PLXNC1: variants seen among roughly 807,000 people sequenced by gnomAD.
PLXNC1 encodes plexin C1, also known as plexin-C1.
Under a neutral mutation model 178.2 loss-of-function variants are expected in PLXNC1, and 75 were observed. The observed-to-expected ratio is 0.42, with a 90% CI of 0.35 to 0.51. The LOEUF (loss-of-function observed/expected upper bound fraction) is 0.51. Among genes scored for constraint, PLXNC1 ranks in the 20% least tolerant of loss-of-function variants. The pLI is 0.02. For synonymous variants in PLXNC1, 790 were observed against 779.9 expected (o/e 1.01, Z -0.22); for missense variants, 1,503 against 1,984.4 (o/e 0.76, Z 4.61).
At chr12:94,269,064 T>C (rs1965420622) in intron 21 of PLXNC1, among the ~76,000 whole-genome samples, 1 of 152,136 alleles carries the variant, frequency 6.6e-6, no homozygotes, top group Non-Finnish European at 1.5e-5. Flanking sequence ...GAAGGGACAT[T>C]TGCTTCACTT....
At chr12:94,242,213 G>A (rs991458457) in intron 11 of PLXNC1, among the ~76,000 whole-genome samples, 1 of 151,706 alleles carries the variant, frequency 6.6e-6, no homozygotes, top group African/African-American at 2.4e-5. Flanking sequence ...GGTTTCTCCT[G>A]AGGCCCTTAC....
rs549308722 is a variant in PLXNC1, at chr12:94,204,671, C to A, written c.1440-4919C>A. On this transcript the variant is annotated intron_variant, in intron 4 of 30. Transcript: ENST00000258526. The stretch of plus-strand genomic sequence containing the variant: ...TTGGTTTCCTCATCTCATGGACTGG[C>A]AATTGTAAAGAAAGTCCCCCGATTC... Among the ~76,000 whole-genome samples, 6 of 152,310 alleles carry A rather than the reference C, an allele frequency of 3.9e-5. No individual in the cohort carries two copies. The South Asian group carries it at 1.2e-3, about 32-fold the overall frequency.
rs777541052 is a variant in PLXNC1, at chr12:94,253,211, G to GGA, written c.2882-1576_2882-1575insGA. 9.5e-4 allele frequency among the ~76,000 whole-genome samples: 40 copies of GGA among 42,024 alleles called. 1 individual carries two copies. Among genetic ancestry groups the GGA allele is most frequent in the Admixed American group, 2.6e-3 (7 of 2,654 alleles). 27.6% of individuals were successfully genotyped at this position (42,024 alleles called of 152,430 possible). A position where few individuals can be genotyped will look rare whatever the true frequency, so the allele number is the denominator to read the frequency against. On this transcript the variant is annotated intron_variant, in intron 15 of 30. Coordinates refer to ENST00000258526, the MANE Select transcript of PLXNC1 (RefSeq NM_005761.3). ...GGCCACAGAACAAGACTCCGTCTCAGAAAAAAAAAAAAAAAAAAAAAAAAA... is the reference window on the plus strand; with the variant it reads ...GGCCACAGAACAAGACTCCGTCTCAGGAAAAAAAAAAAAAAAAAAAAAAAAAA...
chr12:94,263,998 C>G (rs1458979777), intron 20 of PLXNC1, among the ~76,000 whole-genome samples: 1 of 152,108 alleles, frequency 6.6e-6, no homozygotes, highest in African/African-American at 2.4e-5. Context: ...CCCAGCTGGA[C>G]GTATCGCTTG....
At chr12:94,166,032 GA>G (rs1319464852) in intron 1 of PLXNC1, among the ~76,000 whole-genome samples, 1 of 152,110 alleles carries the variant, frequency 6.6e-6, no homozygotes, top group Non-Finnish European at 1.5e-5. Context: ...TAAGGGTTAG[GA>G]AAGCCAGTGT....
rs138661812 is a variant in PLXNC1 at position 94,210,047 on chromosome 12, G to A, written c.1554+343G>A. 5.8e-3 allele frequency among the ~76,000 whole-genome samples: 878 copies of A among 152,312 alleles called. 12 individuals carry two copies. Among genetic ancestry groups the A allele is most frequent in the African/African-American group, 0.02 (831 of 41,552 alleles). On this transcript the variant is annotated intron_variant, in intron 5 of 30. Coordinates refer to ENST00000258526, the MANE Select transcript of PLXNC1 (RefSeq NM_005761.3). Reference sequence around the variant, plus strand: ...TGCTTTTGAAAATAAAGAAAAAAGAGGTTCAGATTCATGGTCAACGAGATA... The same window carrying A: ...TGCTTTTGAAAATAAAGAAAAAAGAAGTTCAGATTCATGGTCAACGAGATA...
Position 94,248,432 on chromosome 12 carries a change from C to A in PLXNC1, c.2778+20C>A. 1 of 1,571,346 alleles carries A rather than the reference C, an allele frequency of 6.4e-7. No individual in the cohort carries two copies. The highest frequency in any genetic ancestry group is 8.6e-7 in the Non-Finnish European group (1 of 1,156,268). ...GTTCGGGTAAGTGACCTGGCAGTCCCACCTGCTGTCTTTACCTGATTTTTG... is the reference window on the plus strand; with the variant it reads ...GTTCGGGTAAGTGACCTGGCAGTCCAACCTGCTGTCTTTACCTGATTTTTG... On this transcript the variant is annotated intron_variant, in intron 14 of 30. Coordinates refer to ENST00000258526, the MANE Select transcript of PLXNC1 (RefSeq NM_005761.3).
At chr12:94,188,507 A>G (rs893565343) in intron 4 of PLXNC1, among the ~76,000 whole-genome samples, 1 of 152,006 alleles carries the variant, frequency 6.6e-6, no homozygotes. Flanking sequence ...TATTTTTAGT[A>G]GAGATGGGGT....
intron 20 of PLXNC1, chr12:94,262,666 C>A: frequency 1.0e-6 from 1 of 985,450 alleles, no homozygotes; most frequent in Non-Finnish European, 1.2e-6. Flanking sequence ...GATGTCCCTC[C>A]ACCAGGTGCT....
At chr12:94,287,307 A>T (rs148828552) in intron 23 of PLXNC1, among the ~76,000 whole-genome samples, 2 of 152,268 alleles carry the variant, frequency 1.3e-5, no homozygotes, top group East Asian at 3.9e-4. Context: ...TGCGTTGACT[A>T]TGAAGGGGAC....
At chr12:94,230,657 C>G (rs569829903) in intron 9 of PLXNC1, among the ~76,000 whole-genome samples, 33 of 152,340 alleles carry the variant, frequency 2.2e-4, no homozygotes, top group African/African-American at 7.9e-4. Flanking sequence ...TGCTGTCTTT[C>G]ATTATCAGGT....
At position 94,186,366 on chromosome 12, in the gene PLXNC1, C is replaced by G. The variant is rs750784590; in HGVS notation, c.1339-7C>G. On this transcript the variant is annotated splice_region_variant and splice_polypyrimidine_tract_variant and intron_variant, in intron 3 of 30. Coordinates refer to ENST00000258526, the MANE Select transcript of PLXNC1 (RefSeq NM_005761.3). ...TCCATCTGAACCATTGTCCTCTTTC[C>G]TTTTAGGTGAGGAGAATTCGTGTTG... is the stretch of plus-strand genomic sequence containing the variant. The G allele has an allele frequency of 6.3e-7, 1 of 1,598,218 alleles. No individual in the cohort carries two copies. The highest frequency in any genetic ancestry group is 8.6e-7 in the Non-Finnish European group (1 of 1,165,546).
intron 4 of PLXNC1, among the ~76,000 whole-genome samples, chr12:94,206,118 A>G (rs1422518085): frequency 2.0e-5 from 3 of 152,216 alleles, no homozygotes; most frequent in African/African-American, 7.2e-5. Context: ...CAGGGATATT[A>G]TGGGTTACAC....
chr12:94,240,294 G>A (rs1454848669), intron 10 of PLXNC1, among the ~76,000 whole-genome samples, 191 bp from the exon 11 acceptor site: 1 of 152,188 alleles, frequency 6.6e-6, no homozygotes, highest in African/African-American at 2.4e-5. Flanking sequence ...ATGTACTAAA[G>A]AAAGAGGAAC....
intron 23 of PLXNC1, among the ~76,000 whole-genome samples, chr12:94,283,333 G>A (rs1966589897): frequency 6.6e-6 from 1 of 152,182 alleles, no homozygotes; most frequent in South Asian, 2.1e-4. Flanking sequence ...GAGCATGCGT[G>A]TTAGACTAGT....
chr12:94,225,709 G>A (rs1011615263), intron 7 of PLXNC1, among the ~76,000 whole-genome samples: 10 of 152,098 alleles, frequency 6.6e-5, no homozygotes, highest in African/African-American at 1.2e-4. Flanking sequence ...GAGGGTGAGC[G>A]CCCTTTCCAT....
At chr12:94,181,412 A>C in intron 2 of PLXNC1, 34 bp from the exon 3 acceptor site, 4 of 1,219,172 alleles carry the variant, frequency 3.3e-6, no homozygotes, top group Non-Finnish European at 4.7e-6. Flanking sequence ...TATTAAATAG[A>C]AATCATGTTT....
intron 4 of PLXNC1, among the ~76,000 whole-genome samples, chr12:94,200,268 T>C (rs540282053): frequency 6.6e-6 from 1 of 152,346 alleles, no homozygotes; most frequent in Non-Finnish European, 1.5e-5. Flanking sequence ...AATGACCTTA[T>C]CTCAGGCAGC....
chr12:94,294,577 C>T, intron 24 of PLXNC1, 37 bp downstream of exon 24: 1 of 922,590 alleles, frequency 1.1e-6, no homozygotes, highest in South Asian at 1.4e-5. Flanking sequence ...TTGTTCTCAC[C>T]CAGCTTCATA....
Sources: gnomAD v4.1 joint callset for allele counts (sites outside exome capture counted in the v4.1 genomes callset) on GRCh38, gnomAD v4.1.1 for gene constraint, MANE v1.5 for transcripts, NCBI Gene and HGNC (gene_info 2026-07-23, HGNC 2026-07-21) for gene names.